Variants in EPM2A observed in about 807,000 individuals in gnomAD.
EPM2A encodes EPM2A glucan phosphatase, laforin.
A neutral mutation model predicts 26.5 loss-of-function variants in EPM2A; 21 were observed. The ratio of observed to expected loss-of-function variants is 0.79; its 90% confidence interval spans 0.56 to 1.14. EPM2A has a LOEUF of 1.14. EPM2A is among the 50% of genes most tolerant of loss of function. The probability of loss-of-function intolerance (pLI) is 0.00; values close to 1 mark genes in which losing one functional copy is unlikely to be tolerated. For missense variants in EPM2A, 458 were observed against 440.8 expected, an observed-to-expected ratio of 1.04 and a Z score of -0.35; for synonymous variants, 217 against 177.6, an observed-to-expected ratio of 1.22 and a Z score of -1.76.
At chr6:145,673,577 C>G (rs868449617) in intron 2 of EPM2A, among the ~76,000 whole-genome samples, 4 of 152,236 alleles carry the variant, frequency 2.6e-5, no homozygotes, top group Non-Finnish European at 5.9e-5. Flanking sequence ...CACTCAAATA[C>G]TGCACTTTTC....
chr6:145,560,306 A>G (rs1481901683), intron 2 of EPM2A, among the ~76,000 whole-genome samples: 1 of 152,178 alleles, frequency 6.6e-6, no homozygotes. Flanking sequence ...CTCATAGCAT[A>G]TGAGTCATAG....
Position 145,418,202 on chromosome 6 carries a change from A to T in EPM2A, c.556-34105T>A, listed in dbSNP as rs76688249. Among the ~76,000 whole-genome samples the T allele has an allele frequency of 1.8e-3, 279 of 152,298 alleles. 2 individuals carry two copies. The highest frequency in any genetic ancestry group is 6.4e-3 in the African/African-American group (268 of 41,574). Reference sequence around the variant, plus strand: ...ACTAATCTACTGCACACAAGCAACCACTTGTCTATACCTGCTCCTCAGGAA... The same window carrying T: ...ACTAATCTACTGCACACAAGCAACCTCTTGTCTATACCTGCTCCTCAGGAA... On this transcript the variant is annotated intron_variant, in intron 4 of 4. Transcript: ENST00000638717.
intron 2 of EPM2A, among the ~76,000 whole-genome samples, chr6:145,579,065 T>C (rs572190198): frequency 8.6e-4 from 131 of 152,144 alleles, no homozygotes; most frequent in African/African-American, 3.1e-3. Context: ...GACGAGTTAA[T>C]AGGTGCAGCA....
At chr6:145,405,610 A>G (rs749681532) in intron 4 of EPM2A, among the ~76,000 whole-genome samples, 1 of 152,146 alleles carries the variant, frequency 6.6e-6, no homozygotes, top group African/African-American at 2.4e-5. Context: ...CAGCAGAAAT[A>G]TGCAAAATCA....
intron 4 of EPM2A, among the ~76,000 whole-genome samples, chr6:145,394,531 T>C (rs1778379644): frequency 6.6e-6 from 1 of 152,068 alleles, no homozygotes; most frequent in African/African-American, 2.4e-5. Context: ...AATGATTTCC[T>C]CTCCAAGGGC....
chr6:145,483,104 A>T (rs1295439919), intron 4 of EPM2A, among the ~76,000 whole-genome samples: 2 of 152,088 alleles, frequency 1.3e-5, no homozygotes, highest in Admixed American at 1.3e-4. Flanking sequence ...GGGCGAATGT[A>T]AGCTCATCAA....
chr6:145,735,548 C>T (rs926504083), upstream of EPM2A: 4 of 1,134,828 alleles, frequency 3.5e-6, no homozygotes, highest in Non-Finnish European at 4.3e-6. Context: ...CCGCGGCCGG[C>T]AGGCGCGGCC....
intron 2 of EPM2A, among the ~76,000 whole-genome samples, chr6:145,602,512 T>A (rs1781428944): frequency 6.6e-6 from 1 of 152,198 alleles, no homozygotes. Context: ...ACAAGACATA[T>A]TCATATTGTA....
intron 2 of EPM2A, chr6:145,680,021 A>C (rs1056716085): frequency 1.3e-5 from 2 of 152,170 alleles, no homozygotes; most frequent in Non-Finnish European, 2.9e-5. Context: ...TGTAAAGTCA[A>C]TAGATAATAC....
intron 2 of EPM2A, among the ~76,000 whole-genome samples, chr6:145,577,033 C>A: frequency 6.7e-6 from 1 of 148,822 alleles, no homozygotes; most frequent in African/African-American, 2.5e-5. Context: ...TACACACACA[C>A]AAAAGAAAAA....
chr6:145,415,618 C>A (rs1280637976), intron 4 of EPM2A, among the ~76,000 whole-genome samples: 1 of 152,132 alleles, frequency 6.6e-6, no homozygotes, highest in Non-Finnish European at 1.5e-5. Flanking sequence ...GTGTTCAGGG[C>A]TATGTGATGA....
intron 4 of EPM2A, among the ~76,000 whole-genome samples, chr6:145,386,859 T>C (rs1778268817): frequency 6.6e-6 from 1 of 152,188 alleles, no homozygotes; most frequent in Non-Finnish European, 1.5e-5. Flanking sequence ...TCGTTCCTTT[T>C]CTTAGACTCT....
intron 2 of EPM2A, among the ~76,000 whole-genome samples, chr6:145,522,617 T>C (rs528517117): frequency 6.6e-6 from 1 of 152,322 alleles, no homozygotes; most frequent in South Asian, 2.1e-4. Flanking sequence ...TGAAATTTGA[T>C]TATTACGGCA....
At chr6:145,410,554 G>A (rs1778630327) in intron 4 of EPM2A, among the ~76,000 whole-genome samples, 1 of 152,208 alleles carries the variant, frequency 6.6e-6, no homozygotes, top group Admixed American at 6.5e-5. Flanking sequence ...GCTGGAAGTT[G>A]TCAATGATAA....
intron 4 of EPM2A, among the ~76,000 whole-genome samples, chr6:145,461,338 G>C (rs968508802): frequency 3.9e-5 from 6 of 152,162 alleles, no homozygotes; most frequent in Admixed American, 1.3e-4. Flanking sequence ...ATTGGAGAAT[G>C]TATGTGCATA....
At chr6:145,445,631 A>C (rs1509210) in intron 4 of EPM2A, among the ~76,000 whole-genome samples, 119,730 of 152,086 alleles carry the variant, frequency 0.79, 47,306 homozygotes, top group East Asian at 0.9. Context: ...TGGTTAATTT[A>C]CAGAGTTCTA....
chr6:145,665,864 G>A (rs866378316), intron 2 of EPM2A, among the ~76,000 whole-genome samples: 7 of 148,352 alleles, frequency 4.7e-5, no homozygotes, highest in East Asian at 2.2e-4. Context: ...TTCAATATAC[G>A]CAAATCAATA....
Position 145,690,636 on chromosome 6 carries a change from GA to G in EPM2A, c.302-4341del, listed in dbSNP as rs1311444741. 8.9e-3 allele frequency among the ~76,000 whole-genome samples: 1,243 copies of G among 139,184 alleles called. 19 individuals carry two copies. The highest frequency in any genetic ancestry group is 0.029 in the African/African-American group (1,110 of 38,286). The allele number at this position is 139,184 out of a possible 152,430, so 91.3% of individuals were successfully genotyped here. On this transcript the variant is annotated intron_variant, in intron 1 of 3. Transcript: ENST00000367519. ...AACCACTAAGATCTCAAACTAAATG[GA>G]AAAAAAAAAAGATGCCGGATAAAGG...
chr6:145,664,808 A>G (rs1051585132), intron 2 of EPM2A, among the ~76,000 whole-genome samples: 9 of 152,088 alleles, frequency 5.9e-5, no homozygotes, highest in African/African-American at 2.2e-4. Flanking sequence ...ATTATAACAA[A>G]CTGTCTCTCA....
Sources: allele counts gnomAD v4.1 joint callset (sites outside exome capture counted in the v4.1 genomes callset), GRCh38; gene constraint gnomAD v4.1.1; transcripts MANE v1.5; gene names NCBI Gene and HGNC (gene_info 2026-07-23, HGNC 2026-07-21).